Variants in SLC37A2 observed in about 807,000 individuals in gnomAD.
The protein encoded by SLC37A2 is glucose-6-phosphate exchanger SLC37A2.
A neutral mutation model predicts 70.7 loss-of-function variants in SLC37A2; 59 were observed. The observed-to-expected ratio is 0.83, with a 90% confidence interval of 0.68 to 1.04. The LOEUF (loss-of-function observed/expected upper bound fraction) is 1.04, where lower values mean the gene tolerates loss of function less well. Among genes scored for constraint, SLC37A2 ranks in the 50% least tolerant of loss-of-function variants. The pLI is 0.00. For synonymous variants in SLC37A2, 257 were observed against 262.1 expected, an observed-to-expected ratio of 0.98 and a Z score of 0.19; for missense variants, 580 against 658.1, an observed-to-expected ratio of 0.88 and a Z score of 1.30.
At chr11:125,079,536 G>A (rs1949125329) in intron 5 of SLC37A2, 148 bp from the exon 6 acceptor site, 4 of 661,492 alleles carry the variant, frequency 6.0e-6, no homozygotes, top group Non-Finnish European at 1.1e-5. Flanking sequence ...GGTGTGGCAT[G>A]TGTGTAAGGG....
rs1949071619 is a variant in SLC37A2 at position 125,075,300 on chromosome 11, TAA to T, written c.60-1456_60-1455del. On this transcript the variant is annotated intron_variant, in intron 1 of 17. Coordinates refer to ENST00000403796, the MANE Select transcript of SLC37A2 (RefSeq NM_001145290.2). Reference sequence around the variant, plus strand: ...CCTCAGATTCTAGAAGTCCCCGAACTAAGAGTCATGAGCCATATGGCAACAGG... The same window carrying T: ...CCTCAGATTCTAGAAGTCCCCGAACTGAGTCATGAGCCATATGGCAACAGG... Among the ~76,000 whole-genome samples the T allele has an allele frequency of 2.0e-5, 3 of 152,286 alleles. No homozygotes were observed. The East Asian group carries it at 5.8e-4, about 29-fold the overall frequency.
intron 1 of SLC37A2, among the ~76,000 whole-genome samples, chr11:125,066,590 A>G (rs1342829457): frequency 6.6e-6 from 1 of 152,242 alleles, no homozygotes; most frequent in Non-Finnish European, 1.5e-5. Flanking sequence ...GAATAATGCA[A>G]CTGACAAGGA....
Position 125,080,601 on chromosome 11 carries a change from C to T in SLC37A2, c.528-13C>T. 1 of 1,473,626 alleles carries T rather than the reference C, an allele frequency of 6.8e-7. No homozygotes were observed. The highest frequency in any genetic ancestry group is 9.0e-7 in the Non-Finnish European group (1 of 1,105,186). 91.3% of individuals were successfully genotyped at this position (1,473,626 alleles called of 1,614,324 possible). On this transcript the variant is annotated splice_polypyrimidine_tract_variant and intron_variant, in intron 6 of 17. Transcript: ENST00000403796. The surrounding 1 kb of genome is among the most constrained non-coding windows in gnomAD (Gnocchi z 4.3). ...ACTTTTTATACCTCTTCCCTTCTCT[C>T]CCTCCCTTCCAGGCGGGGGTTCATC...
chr11:125,090,052 G>A lies in SLC37A2; in HGVS notation c.*1918G>A, dbSNP rs997311671. ...CCTGTGTTTAGCTCAAGGTTTGTGA[G>A]TGCACCAGTCGACACTCTGTATCTA... On this transcript the variant is annotated 3_prime_UTR_variant, in exon 18 of 18. Transcript: ENST00000403796. The A allele has an allele frequency of 1.2e-4, 19 of 152,298 alleles. No individual in the cohort carries two copies. The highest frequency in any genetic ancestry group is 4.6e-4 in the African/African-American group (19 of 41,456). 9.4% of individuals were successfully genotyped at this position (152,298 alleles called of 1,614,324 possible). A position where few individuals can be genotyped will look rare whatever the true frequency, so the allele number is the denominator to read the frequency against.
Position 125,083,895 on chromosome 11 carries a change from T to C in SLC37A2, c.1039+18T>C, listed in dbSNP as rs557900751. The C allele has an allele frequency of 1.3e-4, 210 of 1,612,886 alleles. 2 individuals carry two copies. The South Asian group carries it at 2.2e-3, about 17-fold the overall frequency. On this transcript the variant is annotated intron_variant, in intron 11 of 17. Coordinates refer to ENST00000403796, the MANE Select transcript of SLC37A2 (RefSeq NM_001145290.2). This position sits in a 1 kb window ranked among gnomAD's most constrained non-coding sequence, Gnocchi z 4.6. ...CATCATAGGTGAGGCCTTGCCCTGC[T>C]CTGCCAGCAGGCTCCCTTCCCCTCT...
intron 1 of SLC37A2, among the ~76,000 whole-genome samples, chr11:125,076,428 AC>A (rs1028888995): frequency 2.6e-5 from 4 of 152,102 alleles, no homozygotes; most frequent in Admixed American, 6.5e-5. Flanking sequence ...ACATGCACAC[AC>A]ACACAGGCGC....
chr11:125,079,034 G>T (rs1240709264), intron 4 of SLC37A2, 78 bp from the exon 5 acceptor site: 1 of 1,591,038 alleles, frequency 6.3e-7, no homozygotes, highest in East Asian at 2.2e-5. Flanking sequence ...TTCCTAGCGT[G>T]GTGGGGGCAG....
chr11:125,077,555 C>T, intron 4 of SLC37A2, 27 bp downstream of exon 4: 1 of 1,585,800 alleles, frequency 6.3e-7, no homozygotes. Flanking sequence ...AGCCTATGAC[C>T]AAGAGGAGGA....
Position 125,081,760 on chromosome 11 carries a change from C to G in SLC37A2, c.739C>G (p.Pro247Ala). Residue 247 changes from proline to alanine, a missense_variant, in exon 9 of 18, where the codon CCA becomes GCA. Pro to Ala is a conservative substitution (Grantham distance 27). Transcript: ENST00000403796. ...GCTCATCTCCTCTGCTCAGGGTGAGCCAGCTGAGAACCAGGACAACCCTGA... is the reference window on the plus strand; with the variant it reads ...GCTCATCTCCTCTGCTCAGGGTGAGGCAGCTGAGAACCAGGACAACCCTGA... ...DCAPPQHHGE[P>A]AENQDNPEDP... is the part of the protein sequence containing the mutation. 6.3e-7 allele frequency: 1 copy of G among 1,596,482 alleles called. No individual in the cohort carries two copies. The highest frequency in any genetic ancestry group is 8.5e-7 in the Non-Finnish European group (1 of 1,171,404).
chr11:125,066,711 T>G (rs1163530559), intron 1 of SLC37A2, among the ~76,000 whole-genome samples: 4 of 152,144 alleles, frequency 2.6e-5, no homozygotes, highest in Middle Eastern at 3.2e-3. Context: ...AATGAACATA[T>G]TAATTTATAA....
At chr11:125,066,232 G>C (rs1591625485) in intron 1 of SLC37A2, among the ~76,000 whole-genome samples, 1 of 152,184 alleles carries the variant, frequency 6.6e-6, no homozygotes, top group East Asian at 1.9e-4. Context: ...ACAGTATTTG[G>C]TTGTTAAAGA....
In SLC37A2 at chr11:125,081,774, G is replaced by C. The variant is rs1949153663; in HGVS notation, c.753G>C (p.Gln251His). ...PQHHGEPAEN[Q>H]DNPEDPGNSP... ...CTCAGGGTGAGCCAGCTGAGAACCA[G>C]GACAACCCTGAGGACCCTGGGAACA... is the stretch of plus-strand genomic sequence containing the variant. Residue 251 changes from glutamine (Q) to histidine (H), a missense_variant, in exon 9 of 18, where the codon CAG (glutamine) becomes CAC (histidine). Gln to His is a conservative substitution (Grantham distance 24, BLOSUM62 0). Coordinates refer to ENST00000403796, the MANE Select transcript of SLC37A2 (RefSeq NM_001145290.2). 6.2e-7 allele frequency: 1 copy of C among 1,606,984 alleles called. No individual in the cohort carries two copies. The highest frequency in any genetic ancestry group is 1.3e-5 in the African/African-American group (1 of 74,644).
Position 125,080,617 on chromosome 11 carries a change from G to T in SLC37A2, c.531G>T (p.Arg177=). The change falls in exon 7 of 18, where the codon CGG becomes CGT. Residue 177 remains arginine, a synonymous_variant. Coordinates refer to ENST00000403796, the MANE Select transcript of SLC37A2 (RefSeq NM_001145290.2). This position sits in a 1 kb window ranked among gnomAD's most constrained non-coding sequence, Gnocchi z 4.3. The stretch of plus-strand genomic sequence containing the variant: ...CCCTTCTCTCCCTCCCTTCCAGGCG[G>T]GGGTTCATCATGGGCATCTGGAATT... The part of the protein sequence containing the change: ...CVGNWFGKGK[R]GFIMGIWNSH... 1 of 1,498,330 alleles carries T rather than the reference G, an allele frequency of 6.7e-7. No individual in the cohort carries two copies. Among genetic ancestry groups the T allele is most frequent in the Non-Finnish European group, 8.9e-7 (1 of 1,118,974 alleles). The allele number at this position is 1,498,330 out of a possible 1,614,324, so 92.8% of individuals were successfully genotyped here.
intron 17 of SLC37A2, 176 bp from the exon 18 acceptor site, chr11:125,087,943 A>G: frequency 1.4e-6 from 1 of 692,226 alleles, no homozygotes; most frequent in South Asian, 2.0e-5. Context: ...GGTTTTAAAT[A>G]TTAATCTAGC....
At chr11:125,085,524 C>T (rs377741397) in intron 15 of SLC37A2, 51 bp downstream of exon 15, 222 of 1,613,062 alleles carry the variant, frequency 1.4e-4, no homozygotes, top group Non-Finnish European at 1.8e-4. Flanking sequence ...TAGTGCCCTC[C>T]GGTGGGCAGG....
chr11:125,066,333 G>T (rs563793788), intron 1 of SLC37A2, among the ~76,000 whole-genome samples: 1 of 152,328 alleles, frequency 6.6e-6, no homozygotes, highest in South Asian at 2.1e-4. Flanking sequence ...GCCCAATAGT[G>T]TGGGACTGTA....
Position 125,085,114 on chromosome 11 carries a change from T to A in SLC37A2, c.1223T>A (p.Ile408Asn). Residue 408 changes from isoleucine to asparagine, a missense_variant, in exon 14 of 18, where the codon ATC becomes AAC. By Grantham distance (149) the Ile-to-Asn change is moderately radical (BLOSUM62 -3). Transcript: ENST00000403796. ...CTGGTCAATGGCCCATACGCGCTCA[T>A]CACCACTGCTGTCTCTGCTGATCTG... ...GGLVNGPYAL[I>N]TTAVSADLGT... is the part of the protein sequence containing the mutation. The A allele has an allele frequency of 1.9e-6, 3 of 1,614,032 alleles. No individual in the cohort carries two copies. The highest frequency in any genetic ancestry group is 2.5e-6 in the Non-Finnish European group (3 of 1,179,956).
At chr11:125,086,692 C>T in intron 17 of SLC37A2, 2 of 268,678 alleles carry the variant, frequency 7.4e-6, no homozygotes, top group South Asian at 8.6e-5. Context: ...GGTGTGCTCT[C>T]TGCCTACTGT....
In SLC37A2 at chr11:125,079,830, C is replaced by T. The variant is rs1949128430; in HGVS notation, c.527+70C>T. 13 of 1,200,060 alleles carry T rather than the reference C, an allele frequency of 1.1e-5. No homozygotes were observed. In the South Asian group the frequency reaches 1.5e-4, roughly 14 times the overall value. The allele number at this position is 1,200,060 out of a possible 1,614,324, so 74.3% of individuals were successfully genotyped here. A position where few individuals can be genotyped will look rare whatever the true frequency, so the allele number is the denominator to read the frequency against. On this transcript the variant is annotated intron_variant, in intron 6 of 17. Transcript: ENST00000403796. Reference sequence around the variant, plus strand: ...GGGGGTCCTGAGCTGGTCACCGTGGCCTCTGATGTAATTTCAGAGGGAAGG... The same window carrying T: ...GGGGGTCCTGAGCTGGTCACCGTGGTCTCTGATGTAATTTCAGAGGGAAGG...
Sources: gnomAD v4.1 joint callset for allele counts (sites outside exome capture counted in the v4.1 genomes callset) on GRCh38, gnomAD v4.1.1 for gene constraint, Gnocchi (gnomAD v3.1) non-coding constraint, MANE v1.5 for transcripts, NCBI Gene and HGNC (gene_info 2026-07-23, HGNC 2026-07-21) for gene names.